Variants in ACACA observed in about 807,000 individuals in gnomAD.
The protein encoded by ACACA is acetyl-CoA carboxylase 1.
A neutral mutation model predicts 296.1 loss-of-function variants in ACACA; 103 were observed. The ratio of observed to expected loss-of-function variants is 0.35; its 90% CI spans 0.30 to 0.41. ACACA has a LOEUF of 0.41. Ranked by LOEUF, ACACA falls within the 10% of genes least tolerant of loss-of-function variation. The pLI is 1.00. For missense variants in ACACA, 1,554 were observed against 2,989.7 expected, an observed-to-expected ratio of 0.52 and a Z score of 11.20; for synonymous variants, 953 against 1,038.6, an observed-to-expected ratio of 0.92 and a Z score of 1.58.
intron 11 of ACACA, among the ~76,000 whole-genome samples, chr17:37,261,394 T>C (rs2081509344): frequency 6.6e-6 from 1 of 152,234 alleles, no homozygotes; most frequent in South Asian, 2.1e-4. Context: ...GTATGATTAA[T>C]CCAACCCAAA....
At chr17:37,133,587 T>C (rs544301461) in intron 45 of ACACA, among the ~76,000 whole-genome samples, 1 of 152,330 alleles carries the variant, frequency 6.6e-6, no homozygotes, top group South Asian at 2.1e-4. Flanking sequence ...CCTGCTGACC[T>C]TCTACAGAAA....
chr17:37,199,467 C>T (rs1437608345), intron 35 of ACACA, among the ~76,000 whole-genome samples: 4 of 152,110 alleles, frequency 2.6e-5, no homozygotes, highest in African/African-American at 4.8e-5. Flanking sequence ...ACTTAATTCT[C>T]TTTTCAATAA....
intron 29 of ACACA, among the ~76,000 whole-genome samples, chr17:37,213,753 C>T (rs918400579): frequency 6.6e-6 from 1 of 152,156 alleles, no homozygotes; most frequent in East Asian, 1.9e-4. Flanking sequence ...GATTTTATTG[C>T]TCTGCCTGCC....
chr17:37,360,251 C>T (rs1247530483), intron 1 of ACACA: 1 of 152,110 alleles, frequency 6.6e-6, no homozygotes, highest in South Asian at 2.1e-4. Flanking sequence ...ATGCAGCGCA[C>T]CTTCTTAATG....
At chr17:37,390,173 T>TACACAC (rs1345364710) in intron 1 of ACACA, among the ~76,000 whole-genome samples, 7 of 44,988 alleles carry the variant, frequency 1.6e-4, no homozygotes, top group Admixed American at 4.3e-4. Flanking sequence ...TATATATATA[T>TACACAC]ATACACACAC....
chr17:37,089,813 G>GTGT (rs1161083503), intron 54 of ACACA, among the ~76,000 whole-genome samples: 23 of 152,190 alleles, frequency 1.5e-4, no homozygotes, highest in African/African-American at 5.5e-4. Context: ...ATTCAGGAGT[G>GTGT]TGTTAGAAGC....
intron 1 of ACACA, among the ~76,000 whole-genome samples, chr17:37,355,943 C>T (rs1235807007): frequency 2.0e-5 from 3 of 151,978 alleles, no homozygotes; most frequent in South Asian, 2.1e-4. Flanking sequence ...ATGAGGAGGG[C>T]GGACCACCTG....
chr17:37,226,043 C>T (rs2079528834), intron 26 of ACACA, among the ~76,000 whole-genome samples: 1 of 152,168 alleles, frequency 6.6e-6, no homozygotes, highest in Non-Finnish European at 1.5e-5. Context: ...CCCTGAGTGT[C>T]CTTTCCTCCA....
intron 28 of ACACA, 101 bp from the exon 29 acceptor site, chr17:37,221,943 G>T: frequency 1.0e-6 from 1 of 980,236 alleles, no homozygotes; most frequent in Non-Finnish European, 1.6e-6. Flanking sequence ...GGCAGAAGGT[G>T]CTCTGTGGGG....
At chr17:37,095,378 T>G (rs2072924917) in intron 54 of ACACA, among the ~76,000 whole-genome samples, 1 of 152,178 alleles carries the variant, frequency 6.6e-6, no homozygotes, top group Non-Finnish European at 1.5e-5. Flanking sequence ...AAGGCTGTGC[T>G]CCCCAACTGC....
chr17:37,088,512 A>G (rs2072378843), intron 55 of ACACA, among the ~76,000 whole-genome samples: 1 of 152,236 alleles, frequency 6.6e-6, no homozygotes, highest in African/African-American at 2.4e-5. Context: ...AACTTTTACA[A>G]AAATGCCCCT....
intron 1 of ACACA, among the ~76,000 whole-genome samples, chr17:37,390,316 A>ATC (rs1555672312): frequency 5.9e-5 from 3 of 50,656 alleles, no homozygotes; most frequent in Non-Finnish European, 9.1e-5. Context: ...ATATATATAT[A>ATC]TATATATATA....
At chr17:37,124,535 A>T (rs1214011343) in intron 48 of ACACA, among the ~76,000 whole-genome samples, 1 of 152,230 alleles carries the variant, frequency 6.6e-6, no homozygotes, top group Non-Finnish European at 1.5e-5. Flanking sequence ...TGAGGAATCT[A>T]ACAAGCTGAT....
At chr17:37,211,798 C>T (rs1327843876) in intron 29 of ACACA, among the ~76,000 whole-genome samples, 1 of 152,184 alleles carries the variant, frequency 6.6e-6, no homozygotes, top group East Asian at 1.9e-4. Flanking sequence ...CTCTTTGCAT[C>T]AAACCTGTAT....
At chr17:37,147,383 G>A (rs2075856578) in intron 45 of ACACA, among the ~76,000 whole-genome samples, 2 of 152,070 alleles carry the variant, frequency 1.3e-5, no homozygotes, top group African/African-American at 2.4e-5. Context: ...CACACAGAAA[G>A]AGACATGCAC....
chr17:37,388,915 A>G (rs2050669548), intron 1 of ACACA: 4 of 1,298,554 alleles, frequency 3.1e-6, no homozygotes, highest in Non-Finnish European at 4.2e-6. Context: ...TGTGCCACTC[A>G]CACTCACTAG....
At chr17:37,335,686 A>G (rs1480725521) in intron 2 of ACACA, among the ~76,000 whole-genome samples, 1 of 152,182 alleles carries the variant, frequency 6.6e-6, no homozygotes, top group East Asian at 1.9e-4. Flanking sequence ...CATTGGCGGT[A>G]TCACAACCTC....
intron 1 of ACACA, among the ~76,000 whole-genome samples, chr17:37,402,323 AC>A (rs2051319036): frequency 6.6e-6 from 1 of 152,076 alleles, no homozygotes; most frequent in South Asian, 2.1e-4. Flanking sequence ...GGTAGGCAGT[AC>A]CTTGGCAAAA....
intron 1 of ACACA, among the ~76,000 whole-genome samples, chr17:37,390,932 T>A (rs1007744864): frequency 4.6e-5 from 7 of 152,098 alleles, no homozygotes; most frequent in African/African-American, 1.7e-4. Flanking sequence ...CACAATAAGC[T>A]ACTAAATGAT....
Sources: allele counts gnomAD v4.1 joint callset (sites outside exome capture counted in the v4.1 genomes callset), GRCh38; gene constraint gnomAD v4.1.1; transcripts MANE v1.5; gene names NCBI Gene and HGNC (gene_info 2026-07-23, HGNC 2026-07-21).